The following NCKAP5 variants were observed in gnomAD, a reference collection of about 807,000 sequenced individuals.
NCKAP5 encodes the protein nck-associated protein 5.
Under a neutral mutation model 167.0 loss-of-function variants are expected in NCKAP5, and 92 were observed. The ratio of observed to expected loss-of-function variants is 0.55; its 90% CI spans 0.47 to 0.66. NCKAP5 has a LOEUF of 0.66. Among genes scored for constraint, NCKAP5 ranks in the 30% least tolerant of loss-of-function variants. The probability of loss-of-function intolerance (pLI) is 0.00; values close to 1 mark genes in which losing one functional copy is unlikely to be tolerated. For synonymous variants in NCKAP5, 891 were observed against 877.4 expected (o/e 1.02, Z -0.27); for missense variants, 2,378 against 2,315.0 (o/e 1.03, Z -0.56).
At chr2:132,677,851 T>G (rs1684698338) in intron 19 of NCKAP5, among the ~76,000 whole-genome samples, 1 of 152,142 alleles carries the variant, frequency 6.6e-6, no homozygotes, top group South Asian at 2.1e-4. Flanking sequence ...ATGACTCACT[T>G]TGCTCTTCCA....
intron 17 of NCKAP5, among the ~76,000 whole-genome samples, chr2:132,729,939 G>T (rs927497629): frequency 6.6e-6 from 1 of 152,092 alleles, no homozygotes; most frequent in Non-Finnish European, 1.5e-5. Context: ...GTACACATTT[G>T]AATTGGCAGT....
At chr2:133,264,637 G>A (rs1183194314) in intron 4 of NCKAP5, among the ~76,000 whole-genome samples, 3 of 152,160 alleles carry the variant, frequency 2.0e-5, no homozygotes, top group Admixed American at 6.5e-5. Flanking sequence ...AGCTAAGTAC[G>A]ACAATTTAAA....
At chr2:133,533,693 T>C (rs986919333) in intron 2 of NCKAP5, among the ~76,000 whole-genome samples, 1 of 152,230 alleles carries the variant, frequency 6.6e-6, no homozygotes, top group African/African-American at 2.4e-5. Flanking sequence ...GCAATTATCA[T>C]AAGTTATAGA....
intron 3 of NCKAP5, among the ~76,000 whole-genome samples, chr2:133,388,577 C>T (rs776616238): frequency 6.6e-6 from 1 of 152,204 alleles, no homozygotes; most frequent in African/African-American, 2.4e-5. Flanking sequence ...CAGACAGGGA[C>T]ATTTAAGTCT....
chr2:132,918,365 T>C (rs1695045249), intron 8 of NCKAP5, among the ~76,000 whole-genome samples: 1 of 152,208 alleles, frequency 6.6e-6, no homozygotes, highest in Non-Finnish European at 1.5e-5. Context: ...GATCTACCCT[T>C]AGGTATTTCA....
At chr2:133,027,368 A>C (rs2078733347) in intron 6 of NCKAP5, among the ~76,000 whole-genome samples, 1 of 152,226 alleles carries the variant, frequency 6.6e-6, no homozygotes, top group African/African-American at 2.4e-5. Context: ...CCTATATTCC[A>C]AACCCCATTT....
upstream of NCKAP5, among the ~76,000 whole-genome samples, chr2:133,573,309 T>G (rs1688932284): frequency 1.3e-5 from 2 of 152,222 alleles, no homozygotes; most frequent in South Asian, 4.1e-4. Context: ...ACAAATGCTG[T>G]TTTCCCTCCT....
At chr2:132,801,299 C>T (rs1685012068) in intron 11 of NCKAP5, among the ~76,000 whole-genome samples, 1 of 152,146 alleles carries the variant, frequency 6.6e-6, no homozygotes, top group Admixed American at 6.5e-5. Context: ...TGAATTTGGG[C>T]CATGATTCGT....
intron 2 of NCKAP5, among the ~76,000 whole-genome samples, chr2:133,553,451 C>T (rs1016368088): frequency 1.3e-5 from 2 of 152,122 alleles, no homozygotes; most frequent in African/African-American, 4.8e-5. Flanking sequence ...ACTTGGGAAC[C>T]ACAACTGCAG....
At chr2:132,991,159 C>T (rs1243269369) in intron 7 of NCKAP5, among the ~76,000 whole-genome samples, 3 of 152,178 alleles carry the variant, frequency 2.0e-5, no homozygotes, top group African/African-American at 7.2e-5. Context: ...CTCAGGCAAG[C>T]ACTTGCCTCT....
chr2:133,039,195 G>A (rs1268755164), intron 6 of NCKAP5, among the ~76,000 whole-genome samples: 1 of 152,156 alleles, frequency 6.6e-6, no homozygotes, highest in Non-Finnish European at 1.5e-5. Context: ...GTTTTTAAGT[G>A]TCTCAGCAAT....
chr2:132,794,607 G>A (rs1684421898), intron 12 of NCKAP5, among the ~76,000 whole-genome samples: 1 of 150,564 alleles, frequency 6.6e-6, no homozygotes, highest in Admixed American at 6.6e-5. Context: ...CTGTACTCCA[G>A]CCTGGGCAAC....
rs1260759875 is a variant in NCKAP5, at chr2:132,933,173, CTG to C, written c.579+30545_579+30546del. Among the ~76,000 whole-genome samples, 9 of 152,248 alleles carry C rather than the reference CTG, an allele frequency of 5.9e-5. No individual in the cohort carries two copies. The East Asian group carries it at 1.7e-3, about 29-fold the overall frequency. ...ATCTTCTGACCTCATGATCTGCCCG[CTG>C]CGGCCTCCCAAAGTGCTGGGATTAT... On this transcript the variant is annotated intron_variant, in intron 8 of 19. Coordinates refer to ENST00000409261, the MANE Select transcript of NCKAP5 (RefSeq NM_207363.3).
chr2:133,320,653 G>A (rs866510260), intron 3 of NCKAP5, among the ~76,000 whole-genome samples: 29 of 150,548 alleles, frequency 1.9e-4, no homozygotes, highest in South Asian at 8.4e-4. Flanking sequence ...GTGTGAACCC[G>A]GAAGGCGGAG....
chr2:133,094,695 A>G (rs112723918), intron 6 of NCKAP5, among the ~76,000 whole-genome samples: 2,223 of 152,284 alleles, frequency 0.015, 65 homozygotes, highest in African/African-American at 0.05. Context: ...AAATTAGTTA[A>G]GGTTACTAAT....
At chr2:133,224,476 A>G (rs571311976) in intron 4 of NCKAP5, among the ~76,000 whole-genome samples, 1 of 152,308 alleles carries the variant, frequency 6.6e-6, no homozygotes, top group East Asian at 1.9e-4. Context: ...TGTACTCCCT[A>G]CTACAACAGT....
the NCKAP5 span, among the ~76,000 whole-genome samples, chr2:133,618,632 G>A: frequency 0.13 from 19,980 of 151,656 alleles, 1,818 homozygotes; most frequent in African/African-American, 0.25. Flanking sequence ...TTAGAATGGC[G>A]ATCATTAAAA....
intron 7 of NCKAP5, among the ~76,000 whole-genome samples, chr2:132,965,129 C>A (rs2076622822): frequency 6.6e-6 from 1 of 152,132 alleles, no homozygotes; most frequent in Non-Finnish European, 1.5e-5. Flanking sequence ...ATTTCAGGAT[C>A]TAATTTCTCC....
intron 5 of NCKAP5, among the ~76,000 whole-genome samples, chr2:133,143,626 C>T (rs1239877792): frequency 6.6e-6 from 1 of 151,918 alleles, no homozygotes; most frequent in Admixed American, 6.6e-5. Context: ...ACAGAGAAGT[C>T]ACAAAGTAAT....
Sources: gnomAD v4.1 joint callset for allele counts (sites outside exome capture counted in the v4.1 genomes callset) on GRCh38, gnomAD v4.1.1 for gene constraint, MANE v1.5 for transcripts, NCBI Gene and HGNC (gene_info 2026-07-23, HGNC 2026-07-21) for gene names.